STX8: variants seen among roughly 807,000 people sequenced by gnomAD.
STX8 encodes the protein syntaxin 8, also known as syntaxin-8.
Under a neutral mutation model 37.5 loss-of-function variants are expected in STX8, and 23 were observed. The ratio of observed to expected loss-of-function variants is 0.61; its 90% CI spans 0.44 to 0.87. The LOEUF is 0.87. Among genes scored for constraint, STX8 ranks in the 40% least tolerant of loss-of-function variants. STX8 has a pLI of 0.00. For missense variants in STX8, 313 were observed against 284.7 expected (o/e 1.10, Z -0.71); for synonymous variants, 115 against 99.1 (o/e 1.16, Z -0.95).
chr17:9,351,332 T>A (rs572315063), intron 7 of STX8, among the ~76,000 whole-genome samples: 2 of 152,094 alleles, frequency 1.3e-5, no homozygotes, highest in African/African-American at 4.8e-5. Context: ...TAATTTTTTG[T>A]ATTTTTAGTA....
chr17:9,345,848 CT>C (rs545020159), intron 7 of STX8, among the ~76,000 whole-genome samples: 29 of 52,078 alleles, frequency 5.6e-4, no homozygotes, highest in East Asian at 1.4e-3. Context: ...TTATGCATTC[CT>C]TTTTTTTTTT....
intron 7 of STX8, among the ~76,000 whole-genome samples, chr17:9,264,440 G>C (rs145234441): frequency 1.3e-5 from 2 of 152,270 alleles, no homozygotes; most frequent in Non-Finnish European, 2.9e-5. Flanking sequence ...GAGAAGATGG[G>C]ACCACATGTG....
chr17:9,253,733 G>A (rs1280425385), intron 7 of STX8, among the ~76,000 whole-genome samples: 1 of 152,158 alleles, frequency 6.6e-6, no homozygotes, highest in East Asian at 1.9e-4. Flanking sequence ...GAAGCTCCAT[G>A]CATCAAGGCA....
chr17:9,571,875 A>G (rs1907703444), intron 1 of STX8, among the ~76,000 whole-genome samples: 1 of 151,934 alleles, frequency 6.6e-6, no homozygotes. Context: ...AGATCATGCC[A>G]CTGCACTCCA....
chr17:9,493,793 A>G (rs1906960701), intron 5 of STX8, among the ~76,000 whole-genome samples: 1 of 152,058 alleles, frequency 6.6e-6, no homozygotes, highest in African/African-American at 2.4e-5. Flanking sequence ...TTTACATTCA[A>G]CTTTCCCTGT....
chr17:9,334,299 C>T (rs1404127406), intron 7 of STX8, among the ~76,000 whole-genome samples: 3 of 152,134 alleles, frequency 2.0e-5, no homozygotes, highest in African/African-American at 4.8e-5. Context: ...TCTCCAGCTA[C>T]ATGACTCCTA....
chr17:9,451,251 G>GTATC (rs1307562885), intron 6 of STX8, among the ~76,000 whole-genome samples: 1 of 152,044 alleles, frequency 6.6e-6, no homozygotes. Context: ...CCACATATAT[G>GTATC]TATCTCTCTG....
At chr17:9,258,588 C>T (rs1023590139) in intron 7 of STX8, among the ~76,000 whole-genome samples, 3 of 152,230 alleles carry the variant, frequency 2.0e-5, no homozygotes, top group Non-Finnish European at 2.9e-5. Context: ...TGCCTCTGAT[C>T]ACACCCCTCT....
intron 7 of STX8, among the ~76,000 whole-genome samples, chr17:9,257,713 C>T (rs1342269578): frequency 6.6e-6 from 1 of 152,192 alleles, no homozygotes; most frequent in Non-Finnish European, 1.5e-5. Context: ...TCTGGCCAGG[C>T]GTGGTGACTT....
At chr17:9,434,145 A>G (rs1904341610) in intron 6 of STX8, among the ~76,000 whole-genome samples, 1 of 152,154 alleles carries the variant, frequency 6.6e-6, no homozygotes, top group African/African-American at 2.4e-5. Flanking sequence ...CTGGGATTAC[A>G]GACAGGTGCT....
chr17:9,413,350 G>A (rs1180057957), intron 6 of STX8, among the ~76,000 whole-genome samples: 2 of 152,184 alleles, frequency 1.3e-5, no homozygotes, highest in Non-Finnish European at 2.9e-5. Context: ...ACTGCCCAAA[G>A]GTAAAATGTG....
chr17:9,432,430 G>A (rs1311324696), intron 6 of STX8, among the ~76,000 whole-genome samples: 2 of 151,964 alleles, frequency 1.3e-5, no homozygotes, highest in Non-Finnish European at 2.9e-5. Flanking sequence ...TTAGACACAT[G>A]GAAAAGTAGA....
At chr17:9,421,615 T>C (rs1022797767) in intron 6 of STX8, among the ~76,000 whole-genome samples, 5 of 151,930 alleles carry the variant, frequency 3.3e-5, no homozygotes, top group African/African-American at 1.2e-4. Context: ...AACATAAAAT[T>C]GGCCAATTTA....
At chr17:9,510,668 T>G (rs966556964) in intron 4 of STX8, among the ~76,000 whole-genome samples, 1 of 151,652 alleles carries the variant, frequency 6.6e-6, no homozygotes, top group African/African-American at 2.4e-5. Flanking sequence ...AATAAAAAAC[T>G]AGAAAGATTT....
intron 7 of STX8, among the ~76,000 whole-genome samples, chr17:9,307,695 T>C (rs1341131738): frequency 6.6e-6 from 1 of 152,046 alleles, no homozygotes; most frequent in South Asian, 2.1e-4. Context: ...TACCCCAGAG[T>C]ATGGCACTTT....
chr17:9,388,579 G>A (rs374002428), intron 6 of STX8, among the ~76,000 whole-genome samples: 19 of 151,232 alleles, frequency 1.3e-4, no homozygotes, highest in East Asian at 1.2e-3. Flanking sequence ...CGAGGTGGGC[G>A]GATCACCTGA....
intron 6 of STX8, among the ~76,000 whole-genome samples, chr17:9,435,406 A>G (rs998266014): frequency 3.3e-5 from 5 of 152,188 alleles, no homozygotes; most frequent in African/African-American, 1.2e-4. Context: ...AGAGAGACCC[A>G]AAGACAGAAC....
rs1386566858 is a variant in STX8 at position 9,507,828 on chromosome 17, TAAAG to T, written c.324-2670_324-2667del. 6.6e-6 allele frequency among the ~76,000 whole-genome samples: 1 copy of T among 152,068 alleles called. No individual in the cohort carries two copies. The highest frequency in any genetic ancestry group is 1.5e-5 in the Non-Finnish European group (1 of 68,014). On this transcript the variant is annotated intron_variant, in intron 4 of 7. Transcript: ENST00000306357. This position sits in a 1 kb window ranked among gnomAD's most constrained non-coding sequence, Gnocchi z 4.0. ...AAATGTCACTGGCATGGATTACAGT[TAAAG>T]AAACTACACAAAAACTACACTACTA...
chr17:9,522,001 CAGA>C (rs1905354703), intron 4 of STX8, among the ~76,000 whole-genome samples: 1 of 152,088 alleles, frequency 6.6e-6, no homozygotes, highest in Non-Finnish European at 1.5e-5. Context: ...AAACAGTTCA[CAGA>C]AGAATAGAAA....
Sources: allele counts gnomAD v4.1 joint callset (sites outside exome capture counted in the v4.1 genomes callset), GRCh38; gene constraint gnomAD v4.1.1; non-coding constraint Gnocchi (gnomAD v3.1); transcripts MANE v1.5; gene names NCBI Gene and HGNC (gene_info 2026-07-23, HGNC 2026-07-21).